NEBL: variants seen among roughly 807,000 people sequenced by gnomAD.
The protein encoded by NEBL is LIM and SH3 protein 2.
Under a neutral mutation model 140.2 loss-of-function variants are expected in NEBL, and 122 were observed. The ratio of observed to expected loss-of-function variants is 0.87; its 90% CI spans 0.75 to 1.01. The LOEUF (loss-of-function observed/expected upper bound fraction) is 1.01, where lower values mean the gene tolerates loss of function less well. NEBL is among the 50% of genes least tolerant of loss of function. The pLI is 0.00. For missense variants in NEBL, 1,365 were observed against 1,231.3 expected (o/e 1.11, Z -1.62); for synonymous variants, 436 against 398.9 (o/e 1.09, Z -1.11).
At chr10:20,900,083 C>G (rs1433844135), upstream of NEBL, among the ~76,000 whole-genome samples, 5 of 152,156 alleles carry the variant, frequency 3.3e-5, no homozygotes, top group East Asian at 9.6e-4. Flanking sequence ...TCGACTTTTC[C>G]AAAAACCAAG....
chr10:20,963,048 G>A (rs1416921559), intron 3 of NEBL, among the ~76,000 whole-genome samples: 7 of 119,488 alleles, frequency 5.9e-5, no homozygotes, highest in East Asian at 2.9e-4. Flanking sequence ...ACACACACAC[G>A]GAAATCTAGA....
chr10:21,168,904 C>T (rs1840920399), intron 2 of NEBL, among the ~76,000 whole-genome samples: 1 of 150,628 alleles, frequency 6.6e-6, no homozygotes, highest in South Asian at 2.1e-4. Context: ...AAAAAATTAG[C>T]CGGGCTTGGT....
At chr10:20,895,544 T>C (rs569748309) in intron 2 of NEBL, among the ~76,000 whole-genome samples, 19 of 152,298 alleles carry the variant, frequency 1.2e-4, no homozygotes, top group African/African-American at 4.3e-4. Flanking sequence ...TGGCACACAA[T>C]AGTCACTAAA....
chr10:20,796,994 A>G (rs1477956663), intron 26 of NEBL, among the ~76,000 whole-genome samples: 1 of 152,186 alleles, frequency 6.6e-6, no homozygotes, highest in Non-Finnish European at 1.5e-5. Context: ...CCTGATAAGA[A>G]CTACGTAATT....
At chr10:20,972,684 C>T (rs532121908) in intron 3 of NEBL, among the ~76,000 whole-genome samples, 4 of 151,824 alleles carry the variant, frequency 2.6e-5, no homozygotes, top group Non-Finnish European at 4.4e-5. Flanking sequence ...GAGGCAGAGG[C>T]TGCAGTGAGC....
chr10:21,104,269 G>C (rs1318326657), intron 2 of NEBL, among the ~76,000 whole-genome samples: 1 of 152,116 alleles, frequency 6.6e-6, no homozygotes, highest in Non-Finnish European at 1.5e-5. Context: ...ACAAAACAAA[G>C]AGCCTTCTGG....
intron 2 of NEBL, among the ~76,000 whole-genome samples, chr10:21,131,971 A>G (rs1839133016): frequency 6.6e-6 from 1 of 152,208 alleles, no homozygotes; most frequent in Non-Finnish European, 1.5e-5. Context: ...ATGTATGCAT[A>G]TATTTACATT....
chr10:20,794,452 T>C (rs954291154), intron 26 of NEBL, among the ~76,000 whole-genome samples: 3 of 152,198 alleles, frequency 2.0e-5, no homozygotes, highest in African/African-American at 4.8e-5. Flanking sequence ...ATACTACTTA[T>C]AGTGATAAAA....
intron 2 of NEBL, among the ~76,000 whole-genome samples, chr10:21,049,292 T>G (rs1048510566): frequency 2.6e-5 from 4 of 152,216 alleles, no homozygotes; most frequent in Non-Finnish European, 1.5e-5. Flanking sequence ...AGAGTGTTTC[T>G]CCTATGAGGG....
chr10:20,801,569 C>A (rs908501289), intron 26 of NEBL, among the ~76,000 whole-genome samples: 8 of 152,222 alleles, frequency 5.3e-5, no homozygotes, highest in Admixed American at 5.2e-4. Context: ...TTTTATGCAA[C>A]TGGTTCACCT....
rs553813782 is a variant in NEBL, at chr10:21,261,504, A to G, written n.183-9676T>C. Among the ~76,000 whole-genome samples, 45 of 152,068 alleles carry G rather than the reference A, an allele frequency of 3.0e-4. 1 individual carries two copies. In the East Asian group the frequency reaches 7.0e-3, roughly 24 times the overall value. ...GTGAGGCACTATCCCTACAAACAATATAAAAATCAGCCAGGCGTGGTGGTC... is the reference window on the plus strand; with the variant it reads ...GTGAGGCACTATCCCTACAAACAATGTAAAAATCAGCCAGGCGTGGTGGTC... On this transcript the variant is annotated intron_variant and non_coding_transcript_variant, in intron 1 of 8. Transcript: ENST00000675702.
At chr10:20,900,069 C>T (rs1847792143), upstream of NEBL, among the ~76,000 whole-genome samples, 1 of 152,236 alleles carries the variant, frequency 6.6e-6, no homozygotes, top group South Asian at 2.1e-4. Flanking sequence ...TTCAAAATCC[C>T]CTATCGACTT....
intron 3 of NEBL, among the ~76,000 whole-genome samples, chr10:20,993,799 G>A (rs1239932911): frequency 1.3e-5 from 2 of 152,174 alleles, no homozygotes; most frequent in Non-Finnish European, 1.5e-5. Context: ...AGGTGACGAA[G>A]GGAAGGAAAA....
chr10:21,148,568 C>G (rs550564535), intron 2 of NEBL, among the ~76,000 whole-genome samples: 1 of 152,082 alleles, frequency 6.6e-6, no homozygotes, highest in African/African-American at 2.4e-5. Flanking sequence ...ACTCTGTTGC[C>G]GGGCTGGAGT....
chr10:20,899,544 A>G (rs117724340), upstream of NEBL: 236 of 596,258 alleles, frequency 4.0e-4, no homozygotes, highest in Non-Finnish European at 5.5e-4. Context: ...TTTCCATTTG[A>G]GATTCTAGAA....
intron 3 of NEBL, among the ~76,000 whole-genome samples, chr10:21,013,225 A>G (rs1241048537): frequency 6.6e-6 from 1 of 152,164 alleles, no homozygotes; most frequent in Non-Finnish European, 1.5e-5. Flanking sequence ...GTCCCCTTTG[A>G]AGTTCTCATT....
chr10:21,248,496 A>C (rs2132270728), intron 2 of NEBL, among the ~76,000 whole-genome samples: 1 of 152,310 alleles, frequency 6.6e-6, no homozygotes, highest in Admixed American at 6.5e-5. Context: ...CATGTGTCAG[A>C]ATTCTATTCC....
chr10:21,042,787 T>G (rs538034398), intron 2 of NEBL, among the ~76,000 whole-genome samples: 1 of 152,370 alleles, frequency 6.6e-6, no homozygotes, highest in African/African-American at 2.4e-5. Flanking sequence ...AAGCTCTTAA[T>G]GCAACAATTT....
At chr10:20,834,256 T>G (rs73607521) in intron 14 of NEBL, among the ~76,000 whole-genome samples, 3 of 152,130 alleles carry the variant, frequency 2.0e-5, no homozygotes, top group Non-Finnish European at 2.9e-5. Flanking sequence ...CATGTGTATG[T>G]TTATCTATAT....
Sources: gnomAD v4.1 joint callset for allele counts (sites outside exome capture counted in the v4.1 genomes callset) on GRCh38, gnomAD v4.1.1 for gene constraint, MANE v1.5 for transcripts, NCBI Gene and HGNC (gene_info 2026-07-23, HGNC 2026-07-21) for gene names.